Variants in ULK4 observed in about 807,000 individuals in gnomAD.
ULK4 encodes unc-51 like kinase 4, also known as inactive serine/threonine-protein kinase ULK4.
ULK4 carries 133 observed loss-of-function variants against 160.6 expected under a neutral mutation model. That is an observed-to-expected ratio of 0.83 (90% confidence interval 0.72 to 0.96). The LOEUF (loss-of-function observed/expected upper bound fraction) is 0.96. ULK4 is among the 40% of genes least tolerant of loss of function. ULK4 has a pLI of 0.00. For missense variants in ULK4, 1,580 were observed against 1,499.5 expected (o/e 1.05, Z -0.89); for synonymous variants, 534 against 539.8 (o/e 0.99, Z 0.15).
intron 32 of ULK4, among the ~76,000 whole-genome samples, chr3:41,510,428 A>G (rs1310681453): frequency 6.6e-6 from 1 of 152,210 alleles, no homozygotes; most frequent in Non-Finnish European, 1.5e-5. Flanking sequence ...GGTCATCAAG[A>G]CAGAAAGTCA....
chr3:41,449,413 A>G (rs1373542622), intron 34 of ULK4, among the ~76,000 whole-genome samples: 2 of 152,184 alleles, frequency 1.3e-5, no homozygotes, highest in African/African-American at 4.8e-5. Context: ...GGAAATGTCC[A>G]GAAGGCAGAT....
rs570652784 is a variant in ULK4, at chr3:41,803,638, C to T, written c.1849-3345G>A. Among the ~76,000 whole-genome samples the T allele has an allele frequency of 4.5e-4, 68 of 152,262 alleles. 1 individual carries two copies. The highest frequency in any genetic ancestry group is 1.5e-3 in the African/African-American group (64 of 41,546). On this transcript the variant is annotated intron_variant, in intron 19 of 36. Transcript: ENST00000301831. ...CTGCTAATGCTATCCCTCCCCACTC[C>T]CCCTACCCCACAACAGTCCCCAGAG...
intron 35 of ULK4, among the ~76,000 whole-genome samples, chr3:41,289,701 G>A (rs545536439): frequency 2.6e-5 from 4 of 152,296 alleles, no homozygotes; most frequent in East Asian, 3.9e-4. Flanking sequence ...TCAATGCACA[G>A]AGGACACTTA....
At chr3:41,722,411 C>CT (rs1474966027) in intron 22 of ULK4, among the ~76,000 whole-genome samples, 1 of 152,090 alleles carries the variant, frequency 6.6e-6, no homozygotes, top group African/African-American at 2.4e-5. Context: ...GGTGGATCAC[C>CT]TGAGGTCAGG....
chr3:41,890,613 A>G (rs1222311113), intron 16 of ULK4, among the ~76,000 whole-genome samples: 1 of 150,618 alleles, frequency 6.6e-6, no homozygotes, highest in Non-Finnish European at 1.5e-5. Flanking sequence ...CGGGAGGTGG[A>G]GGTTGCAGTG....
chr3:41,653,112 G>A lies in ULK4; in HGVS notation c.3071+10495C>T, dbSNP rs79164290. Among the ~76,000 whole-genome samples the A allele has an allele frequency of 2.2e-4, 33 of 152,152 alleles. 1 individual carries two copies. The East Asian group carries it at 4.2e-3, about 20-fold the overall frequency. On this transcript the variant is annotated intron_variant, in intron 30 of 36. Transcript: ENST00000301831. ...TAGAGACAGCAAAGAACTAGCCTTCGGGCATATCTTTCCAATGCAAACTAA... is the reference window on the plus strand; with the variant it reads ...TAGAGACAGCAAAGAACTAGCCTTCAGGCATATCTTTCCAATGCAAACTAA...
At chr3:41,440,604 T>C (rs971575247) in intron 34 of ULK4, among the ~76,000 whole-genome samples, 4 of 152,146 alleles carry the variant, frequency 2.6e-5, no homozygotes, top group African/African-American at 9.7e-5. Flanking sequence ...ATACAGGATA[T>C]TGGTAGTTTT....
intron 4 of ULK4, among the ~76,000 whole-genome samples, chr3:41,934,213 A>G (rs1438397581): frequency 6.6e-6 from 1 of 152,212 alleles, no homozygotes; most frequent in East Asian, 1.9e-4. Context: ...GGTATTTACA[A>G]ATTGTCTACA....
intron 22 of ULK4, among the ~76,000 whole-genome samples, chr3:41,738,299 C>A (rs1453499381): frequency 6.6e-6 from 1 of 151,866 alleles, no homozygotes; most frequent in Non-Finnish European, 1.5e-5. Flanking sequence ...ATCATCATAG[C>A]CCTGGCATGT....
intron 35 of ULK4, among the ~76,000 whole-genome samples, chr3:41,395,587 CAGAA>C (rs1185021066): frequency 2.6e-5 from 4 of 151,956 alleles, no homozygotes; most frequent in Non-Finnish European, 4.4e-5. Context: ...TTCATAGAAA[CAGAA>C]AGTCGAATGG....
chr3:41,489,791 A>C (rs931929734), intron 32 of ULK4, among the ~76,000 whole-genome samples: 2 of 152,176 alleles, frequency 1.3e-5, no homozygotes, highest in African/African-American at 4.8e-5. Context: ...ACCTCCTACC[A>C]GTCTTGGCTA....
At chr3:41,397,550 G>C (rs189795122) in intron 35 of ULK4, among the ~76,000 whole-genome samples, 1 of 152,176 alleles carries the variant, frequency 6.6e-6, no homozygotes, top group East Asian at 1.9e-4. Flanking sequence ...CAAACTCAGG[G>C]AGATGCTACA....
At chr3:41,955,876 G>A (rs904828072) in intron 1 of ULK4, 1 of 151,796 alleles carries the variant, frequency 6.6e-6, no homozygotes, top group African/African-American at 2.4e-5. Flanking sequence ...TTTATCCAAT[G>A]TGTCTCCATC....
intron 35 of ULK4, among the ~76,000 whole-genome samples, chr3:41,250,599 T>C (rs2078727196): frequency 6.6e-6 from 1 of 152,218 alleles, no homozygotes; most frequent in African/African-American, 2.4e-5. Context: ...GAGGCTGGAT[T>C]ATTGTCTCCT....
intron 30 of ULK4, among the ~76,000 whole-genome samples, chr3:41,644,636 A>G (rs961746099): frequency 6.6e-6 from 1 of 151,958 alleles, no homozygotes; most frequent in Non-Finnish European, 1.5e-5. Context: ...TTCATCAGGG[A>G]TATTGGTCTA....
intron 32 of ULK4, among the ~76,000 whole-genome samples, chr3:41,499,719 G>A (rs1175198351): frequency 1.3e-5 from 2 of 152,108 alleles, no homozygotes; most frequent in Admixed American, 6.5e-5. Context: ...TATCCCAGGA[G>A]CAAAAAAATA....
intron 35 of ULK4, among the ~76,000 whole-genome samples, chr3:41,347,071 GA>G (rs59924185): frequency 0.24 from 36,097 of 149,044 alleles, 4,511 homozygotes; most frequent in Middle Eastern, 0.31. Context: ...AAATATTCAG[GA>G]AAAAAAAAAC....
In ULK4 at chr3:41,461,426, T is replaced by C. The variant is rs59838973; in HGVS notation, c.3393+1661A>G. ...CACATTCCATTTCTTTTCCCAACTC[T>C]TCCACCTAATTCAGCCTCAAGGACT... On this transcript the variant is annotated intron_variant, in intron 33 of 36. Coordinates refer to ENST00000301831, the MANE Select transcript of ULK4 (RefSeq NM_017886.4). Among the ~76,000 whole-genome samples the C allele has an allele frequency of 2.5e-3, 378 of 152,332 alleles. 1 individual carries two copies. The highest frequency in any genetic ancestry group is 8.7e-3 in the African/African-American group (362 of 41,580).
intron 16 of ULK4, among the ~76,000 whole-genome samples, chr3:41,888,414 C>A (rs1031619548): frequency 6.6e-6 from 1 of 152,170 alleles, no homozygotes; most frequent in African/African-American, 2.4e-5. Context: ...AGAATTAAGA[C>A]TGACAGAGAA....
Sources: gnomAD v4.1 joint callset for allele counts (sites outside exome capture counted in the v4.1 genomes callset) on GRCh38, gnomAD v4.1.1 for gene constraint, MANE v1.5 for transcripts, NCBI Gene and HGNC (gene_info 2026-07-23, HGNC 2026-07-21) for gene names.